Variants in VWA3B observed in about 807,000 individuals in gnomAD.
VWA3B encodes the protein von Willebrand factor A domain-containing protein 3B.
A neutral mutation model predicts 158.3 loss-of-function variants in VWA3B; 138 were observed. The ratio of observed to expected loss-of-function variants is 0.87; its 90% CI spans 0.76 to 1.00. The LOEUF is 1.00. VWA3B is among the 50% of genes least tolerant of loss of function. The pLI is 0.00. For synonymous variants in VWA3B, 596 were observed against 587.3 expected (o/e 1.01, Z -0.21); for missense variants, 1,555 against 1,565.1 (o/e 0.99, Z 0.11).
the VWA3B span, among the ~76,000 whole-genome samples, chr2:98,328,885 T>C: frequency 2.7e-4 from 41 of 152,338 alleles, no homozygotes; most frequent in East Asian, 3.7e-3. Flanking sequence ...AAATCATTCT[T>C]AATAAAATAC....
At chr2:98,220,969 C>T (rs1356295566) in intron 14 of VWA3B, among the ~76,000 whole-genome samples, 2 of 151,952 alleles carry the variant, frequency 1.3e-5, no homozygotes, top group East Asian at 1.9e-4. Flanking sequence ...TGGGGCCTGT[C>T]GGGGGCGGGG....
chr2:98,321,080 G>T, the VWA3B span, among the ~76,000 whole-genome samples: 1 of 152,232 alleles, frequency 6.6e-6, no homozygotes, highest in Non-Finnish European at 1.5e-5. Context: ...CATGAGGTCA[G>T]TGTACAGCTC....
chr2:98,278,390 T>C (rs544116404), intron 22 of VWA3B, among the ~76,000 whole-genome samples: 1 of 152,336 alleles, frequency 6.6e-6, no homozygotes, highest in South Asian at 2.1e-4. Context: ...TTAGTGTTGC[T>C]GTCCACAGAT....
At chr2:98,207,169 A>G (rs2105512937) in intron 12 of VWA3B, 1 of 546,936 alleles carries the variant, frequency 1.8e-6, no homozygotes, top group South Asian at 1.5e-5. Flanking sequence ...CATGGTGGGT[A>G]TGATGTGGGG....
intron 16 of VWA3B, among the ~76,000 whole-genome samples, chr2:98,231,451 C>T (rs1197368161): frequency 1.3e-5 from 2 of 152,094 alleles, no homozygotes; most frequent in Non-Finnish European, 2.9e-5. Flanking sequence ...AGATTTAATC[C>T]ACACAAATAT....
intron 3 of VWA3B, among the ~76,000 whole-genome samples, chr2:98,116,171 C>G (rs1476230499): frequency 6.6e-6 from 1 of 152,210 alleles, no homozygotes; most frequent in Non-Finnish European, 1.5e-5. Context: ...GCACCTGAGT[C>G]TCACGTCTCC....
intron 14 of VWA3B, 48 bp downstream of exon 14, chr2:98,218,076 T>A: frequency 6.5e-7 from 1 of 1,541,118 alleles, no homozygotes; most frequent in African/African-American, 1.4e-5. Flanking sequence ...GTTTGAGCAT[T>A]ACAGGCTGGC....
chr2:98,233,215 G>A (rs140346809), intron 16 of VWA3B, among the ~76,000 whole-genome samples: 3 of 152,214 alleles, frequency 2.0e-5, no homozygotes, highest in East Asian at 3.9e-4. Context: ...TGGGTTGCTC[G>A]GTATTGGGAG....
chr2:98,177,261 A>G (rs1366911389), intron 8 of VWA3B, among the ~76,000 whole-genome samples: 2 of 152,184 alleles, frequency 1.3e-5, no homozygotes, highest in Non-Finnish European at 2.9e-5. Context: ...AGGGCTGGTC[A>G]ATTCTGTGGC....
chr2:98,092,816 G>GTGTA (rs1185877811), intron 1 of VWA3B, among the ~76,000 whole-genome samples: 36 of 51,486 alleles, frequency 7.0e-4, no homozygotes, highest in African/African-American at 1.9e-3. Flanking sequence ...AGATGTTTTT[G>GTGTA]TATATATATA....
intron 8 of VWA3B, among the ~76,000 whole-genome samples, chr2:98,174,352 G>A (rs1346861740): frequency 6.6e-6 from 1 of 152,176 alleles, no homozygotes; most frequent in East Asian, 1.9e-4. Context: ...ACTGGAGGGG[G>A]CAGGATGGGG....
intron 7 of VWA3B, among the ~76,000 whole-genome samples, chr2:98,141,975 C>T (rs1356112383): frequency 3.3e-5 from 5 of 152,054 alleles, no homozygotes; most frequent in African/African-American, 7.2e-5. Flanking sequence ...AAAACAAGGC[C>T]GATTACTTAC....
At chr2:98,099,355 T>C (rs1031041602) in intron 2 of VWA3B, 1 of 152,228 alleles carries the variant, frequency 6.6e-6, no homozygotes, top group African/African-American at 2.4e-5. Flanking sequence ...TACAGAATTC[T>C]TGATTGGCAG....
chr2:98,087,259 C>CG lies in VWA3B; in HGVS notation c.-134dup, dbSNP rs968761247. ...CCGGAATCGCTGCCTTATCCACCAG[C>CG]GGGATGCTTACCTCGCCCGCCCTCT... On this transcript the variant is annotated 5_prime_UTR_variant, in exon 1 of 28. Coordinates refer to ENST00000477737, the MANE Select transcript of VWA3B (RefSeq NM_144992.5). The CG allele has an allele frequency of 6.6e-6, 1 of 152,260 alleles. No individual in the cohort carries two copies. Among genetic ancestry groups the CG allele is most frequent in the Non-Finnish European group, 1.5e-5 (1 of 68,074 alleles). 9.4% of individuals were successfully genotyped at this position (152,260 alleles called of 1,614,324 possible).
Position 98,194,347 on chromosome 2 carries a change from A to G in VWA3B, c.1606-14A>G. 6.2e-7 allele frequency: 1 copy of G among 1,611,536 alleles called. No individual in the cohort carries two copies. The highest frequency in any genetic ancestry group is 8.5e-7 in the Non-Finnish European group (1 of 1,177,928). On this transcript the variant is annotated splice_polypyrimidine_tract_variant and intron_variant, in intron 11 of 27. Transcript: ENST00000477737. The stretch of plus-strand genomic sequence containing the variant: ...TGAGTGGTTTTATGGTTAAATAATC[A>G]TTGTCTCTTTTAGGAACAGCTGAAA...
At chr2:98,119,390 C>A in intron 3 of VWA3B, 123 bp from the exon 4 acceptor site, 5 of 1,082,908 alleles carry the variant, frequency 4.6e-6, no homozygotes, top group Non-Finnish European at 6.5e-6. Flanking sequence ...CTCCTGGATT[C>A]TGTAGTGTTT....
At position 98,312,454 on chromosome 2, in the gene VWA3B, T is replaced by A; in HGVS notation, c.*105T>A. On this transcript the variant is annotated 3_prime_UTR_variant, in exon 28 of 28. Coordinates refer to ENST00000477737, the MANE Select transcript of VWA3B (RefSeq NM_144992.5). The stretch of plus-strand genomic sequence containing the variant: ...CCCCTCCGCGGAGGTAAGGCCGCCC[T>A]CCGCGCCGCCTATGCCTGCCCTGTC... The A allele has an allele frequency of 7.1e-7, 1 of 1,407,096 alleles. No homozygotes were observed. Among genetic ancestry groups the A allele is most frequent in the Non-Finnish European group, 9.5e-7 (1 of 1,054,074 alleles). 87.2% of individuals were successfully genotyped at this position (1,407,096 alleles called of 1,614,324 possible). A position where few individuals can be genotyped will look rare whatever the true frequency, so the allele number is the denominator to read the frequency against.
Position 98,093,297 on chromosome 2 carries a change from C to G in VWA3B, c.196+9C>G. The G allele has an allele frequency of 1.9e-6, 3 of 1,612,142 alleles. No individual in the cohort carries two copies. Among genetic ancestry groups the G allele is most frequent in the Non-Finnish European group, 2.5e-6 (3 of 1,178,406 alleles). On this transcript the variant is annotated intron_variant, in intron 2 of 27. Coordinates refer to ENST00000477737, the MANE Select transcript of VWA3B (RefSeq NM_144992.5). ...ATTCCCACATTGTGAAGGTACAGTA[C>G]TCACAAACAACCAGCATGCTGCCAT...
intron 22 of VWA3B, among the ~76,000 whole-genome samples, chr2:98,289,277 G>A (rs1228263871): frequency 6.6e-6 from 1 of 151,876 alleles, no homozygotes; most frequent in African/African-American, 2.4e-5. Context: ...TTTTTCCTGG[G>A]AGACTTCCTG....
Sources: gnomAD v4.1 joint callset for allele counts (sites outside exome capture counted in the v4.1 genomes callset) on GRCh38, gnomAD v4.1.1 for gene constraint, MANE v1.5 for transcripts, NCBI Gene and HGNC (gene_info 2026-07-23, HGNC 2026-07-21) for gene names.